Variants in TRIP12 observed in about 807,000 individuals in gnomAD.
TRIP12 encodes thyroid hormone receptor interactor 12, also known as E3 ubiquitin-protein ligase TRIP12.
TRIP12 carries 25 observed loss-of-function variants against 244.2 expected under a neutral mutation model. That is an observed-to-expected ratio of 0.10 (90% CI 0.07 to 0.14). The LOEUF is 0.14. TRIP12 is among the 10% of genes least tolerant of loss of function. The pLI, the probability that TRIP12 is intolerant of heterozygous loss-of-function variation, is 1.00. For synonymous variants in TRIP12, 905 were observed against 873.1 expected (o/e 1.04, Z -0.64); for missense variants, 1,677 against 2,486.4 (o/e 0.67, Z 6.92).
intron 2 of TRIP12, among the ~76,000 whole-genome samples, chr2:229,873,827 G>T (rs2063120039): frequency 6.6e-6 from 1 of 151,994 alleles, no homozygotes; most frequent in African/African-American, 2.4e-5. Context: ...TTAAAACTTT[G>T]CAGGCAAATT....
At chr2:229,916,780 C>A (rs1364255796) in intron 1 of TRIP12, among the ~76,000 whole-genome samples, 2 of 151,214 alleles carry the variant, frequency 1.3e-5, no homozygotes, top group South Asian at 4.2e-4. Context: ...TTGCCAATAA[C>A]CTAAAACTAT....
At position 229,796,711 on chromosome 2, in the gene TRIP12, T is replaced by C; in HGVS notation, c.3696A>G (p.Glu1232=). Residue 1232 remains glutamate, a synonymous_variant, in exon 25 of 42, where the codon GAA becomes GAG. Transcript: ENST00000675903. ...GCTTCACAAATCCACTATGTTGGATTTCAAATGATGAAACATCTGACTCTG... is the reference window on the plus strand; with the variant it reads ...GCTTCACAAATCCACTATGTTGGATCTCAAATGATGAAACATCTGACTCTG... ...IVSESDVSSF[E]IQHSGFVKQL... is the part of the protein sequence containing the mutation. The C allele has an allele frequency of 6.2e-7, 1 of 1,611,416 alleles. No homozygotes were observed. Among genetic ancestry groups the C allele is most frequent in the Non-Finnish European group, 8.5e-7 (1 of 1,179,416 alleles).
chr2:229,865,538 G>A (rs1368946882), intron 2 of TRIP12, among the ~76,000 whole-genome samples: 1 of 148,140 alleles, frequency 6.8e-6, no homozygotes, highest in Non-Finnish European at 1.5e-5. Context: ...GGTAATATAT[G>A]CATGTATTAC....
chr2:229,888,087 T>A (rs1560139203), intron 1 of TRIP12, among the ~76,000 whole-genome samples: 1 of 152,256 alleles, frequency 6.6e-6, no homozygotes, highest in African/African-American at 2.4e-5. Flanking sequence ...AACAGTATCT[T>A]TGCTATTTAC....
At chr2:229,866,588 G>A (rs1367447911) in intron 2 of TRIP12, among the ~76,000 whole-genome samples, 1 of 152,154 alleles carries the variant, frequency 6.6e-6, no homozygotes, top group Non-Finnish European at 1.5e-5. Flanking sequence ...TAGACAGGGA[G>A]CACTGCCTCT....
rs1317511034 is a variant in TRIP12, at chr2:229,859,384, G to A, written c.415C>T (p.His139Tyr). The change falls in exon 4 of 42, where the codon CAT (histidine) becomes TAT (tyrosine). Residue 139 changes from histidine to tyrosine, a missense_variant. Physicochemically the swap from His to Tyr is moderately conservative, Grantham distance 83 (BLOSUM62 2). Around this residue, in one of 11 missense-constraint regions of TRIP12, gnomAD observed 387 missense variants for 392.6 expected, o/e 0.99. Transcript: ENST00000675903. Reference sequence around the variant, plus strand: ...TTTGTTTCTGAGGGAGATTCAGTATGCTGAAGTGCTTTTGGTTTTTTTGCA... The same window carrying A: ...TTTGTTTCTGAGGGAGATTCAGTATACTGAAGTGCTTTTGGTTTTTTTGCA... ...SSAKKPKALQ[H>Y]TESPSETNKP... The A allele has an allele frequency of 1.9e-6, 3 of 1,614,062 alleles. No homozygotes were observed. Among genetic ancestry groups the A allele is most frequent in the African/African-American group, 1.3e-5 (1 of 74,912 alleles).
intron 1 of TRIP12, among the ~76,000 whole-genome samples, chr2:229,894,846 C>T (rs2154364708): frequency 6.6e-6 from 1 of 152,206 alleles, no homozygotes; most frequent in Admixed American, 6.5e-5. Context: ...ACTTGAGGTG[C>T]CATGTTTCCT....
chr2:229,817,945 G>C (rs1052194863), intron 9 of TRIP12, among the ~76,000 whole-genome samples: 2 of 152,088 alleles, frequency 1.3e-5, no homozygotes, highest in Admixed American at 1.3e-4. Flanking sequence ...CATATGGCTT[G>C]AGTAGTATTC....
chr2:229,872,048 A>T (rs1439702059), intron 2 of TRIP12, among the ~76,000 whole-genome samples: 1 of 150,008 alleles, frequency 6.7e-6, no homozygotes, highest in Non-Finnish European at 1.5e-5. Context: ...ATATCTACAT[A>T]ACGGAAAATT....
intron 40 of TRIP12, 45 bp downstream of exon 40, chr2:229,769,186 C>T: frequency 6.4e-7 from 1 of 1,566,012 alleles, no homozygotes; most frequent in Non-Finnish European, 8.7e-7. Flanking sequence ...CCCCTCTCCA[C>T]ATTCTTCAGA....
intron 18 of TRIP12, 56 bp from the exon 19 acceptor site, chr2:229,804,283 A>G: frequency 7.2e-7 from 1 of 1,394,722 alleles, no homozygotes; most frequent in Non-Finnish European, 9.9e-7. Context: ...CTTCAGAAAC[A>G]CAATAAACAA....
chr2:229,797,626 A>G, intron 24 of TRIP12, 64 bp downstream of exon 24: 2 of 1,582,510 alleles, frequency 1.3e-6, no homozygotes, highest in East Asian at 2.2e-5. Flanking sequence ...CATGAAGGAA[A>G]AGAGTAGCAG....
chr2:229,794,598 A>G (rs1375148130), intron 26 of TRIP12, among the ~76,000 whole-genome samples: 2 of 151,820 alleles, frequency 1.3e-5, no homozygotes, highest in Admixed American at 1.3e-4. Flanking sequence ...AATAAATAAA[A>G]ACCAAACAAA....
In TRIP12 at chr2:229,836,982, C is replaced by T. The variant is rs369634572; in HGVS notation, c.1136G>A (p.Arg379Gln). The change falls in exon 6 of 42, where the codon CGG becomes CAG. Residue 379 changes from arginine (R) to glutamine (Q), a missense_variant and splice_region_variant. By Grantham distance (43) the Arg-to-Gln change is conservative. Around this residue, in one of 11 missense-constraint regions of TRIP12, gnomAD observed 143 missense variants for 215.6 expected, o/e 0.66. Coordinates refer to ENST00000675903, the MANE Select transcript of TRIP12 (RefSeq NM_001348323.3). ...KTTGSCASTS[R>Q]RGSGLGKRGA... ...TCTTTTGCCCAGGCCAGAGCCTCGC[C>T]GACTACAACAGAAAAATGTCATCAT... 9 of 1,541,300 alleles carry T rather than the reference C, an allele frequency of 5.8e-6. No individual in the cohort carries two copies. The highest frequency in any genetic ancestry group is 7.8e-6 in the Non-Finnish European group (9 of 1,149,166).
chr2:229,792,905 G>A lies in TRIP12; in HGVS notation c.4141+68C>T, dbSNP rs2041906990. 5 of 1,474,374 alleles carry A rather than the reference G, an allele frequency of 3.4e-6. No homozygotes were observed. The East Asian group carries it at 9.3e-5, about 27-fold the overall frequency. 91.3% of individuals were successfully genotyped at this position (1,474,374 alleles called of 1,614,324 possible). ...AACATTAAACAGAGAAATAATGTAT[G>A]TAACTCTTAATGTAAATTTCTCCCA... On this transcript the variant is annotated intron_variant, in intron 27 of 41. Coordinates refer to ENST00000675903, the MANE Select transcript of TRIP12 (RefSeq NM_001348323.3).
chr2:229,831,752 A>T (rs1315126653), intron 6 of TRIP12, among the ~76,000 whole-genome samples: 1 of 152,222 alleles, frequency 6.6e-6, no homozygotes, highest in East Asian at 1.9e-4. Context: ...ATGACAAAAA[A>T]ACAGTCTAAG....
chr2:229,811,182 G>A lies in TRIP12; in HGVS notation c.2009C>T (p.Thr670Ile), dbSNP rs2047157169. The A allele has an allele frequency of 6.2e-7, 1 of 1,613,788 alleles. No homozygotes were observed. The highest frequency in any genetic ancestry group is 1.3e-5 in the African/African-American group (1 of 74,884). Residue 670 changes from threonine to isoleucine, a missense_variant, in exon 14 of 42, where the codon ACT becomes ATT. Physicochemically the swap from Thr to Ile is moderately conservative, Grantham distance 89. Transcript: ENST00000675903. ...THQDKKSVES[T>I]CLCFARLVDN... Reference sequence around the variant, plus strand: ...CACTAGGCGTGCAAAACAAAGGCAAGTGCTTTCTACTGACTTTTTATCCTA... The same window carrying A: ...CACTAGGCGTGCAAAACAAAGGCAAATGCTTTCTACTGACTTTTTATCCTA...
chr2:229,811,349 T>A, intron 13 of TRIP12, 145 bp from the exon 14 acceptor site: 2 of 777,006 alleles, frequency 2.6e-6, no homozygotes, highest in Non-Finnish European at 4.1e-6. Context: ...CAAATGGGCC[T>A]AAGCAAGGTA....
At chr2:229,865,336 AAAAAAAAGAAAG>A (rs1181478435) in intron 2 of TRIP12, among the ~76,000 whole-genome samples, 10 of 25,276 alleles carry the variant, frequency 4.0e-4, no homozygotes, top group Non-Finnish European at 1.0e-3. Context: ...AAAAAAAAAA[AAAAAAAAGAAAG>A]AAAGAAAGCA....
Sources: allele counts gnomAD v4.1 joint callset (sites outside exome capture counted in the v4.1 genomes callset), GRCh38; gene constraint gnomAD v4.1.1; regional missense constraint gnomAD v4.1.1; transcripts MANE v1.5; gene names NCBI Gene and HGNC (gene_info 2026-07-23, HGNC 2026-07-21).